Variants in TTC27 observed in about 807,000 individuals in gnomAD.
TTC27 encodes tetratricopeptide repeat domain 27, also known as tetratricopeptide repeat protein 27.
A neutral mutation model predicts 115.9 loss-of-function variants in TTC27; 79 were observed. The ratio of observed to expected loss-of-function variants is 0.68; its 90% CI spans 0.57 to 0.82. The LOEUF is 0.82. Ranked by LOEUF, TTC27 falls within the 40% of genes least tolerant of loss-of-function variation. TTC27 has a pLI of 0.00. For missense variants in TTC27, 1,054 were observed against 993.1 expected (o/e 1.06, Z -0.82); for synonymous variants, 401 against 356.0 (o/e 1.13, Z -1.42).
intron 18 of TTC27, among the ~76,000 whole-genome samples, chr2:32,814,819 T>C (rs1291652025): frequency 6.6e-6 from 1 of 152,190 alleles, no homozygotes; most frequent in Admixed American, 6.5e-5. Context: ...ACCATCTAGG[T>C]TTGTGTAAGT....
At chr2:32,796,971 G>A (rs148131643) in intron 16 of TTC27, among the ~76,000 whole-genome samples, 2 of 151,680 alleles carry the variant, frequency 1.3e-5, no homozygotes, top group African/African-American at 2.4e-5. Context: ...TCAGGACTTC[G>A]AGACCAGCCT....
intron 10 of TTC27, among the ~76,000 whole-genome samples, chr2:32,719,663 T>C (rs897081517): frequency 6.6e-6 from 1 of 152,156 alleles, no homozygotes; most frequent in African/African-American, 2.4e-5. Context: ...AGAAAGAAGC[T>C]AACAGACACA....
At chr2:32,745,756 G>T (rs1668804290) in intron 12 of TTC27, among the ~76,000 whole-genome samples, 1 of 152,116 alleles carries the variant, frequency 6.6e-6, no homozygotes, top group African/African-American at 2.4e-5. Flanking sequence ...AGAGTTTAAA[G>T]ATGTGGAAAC....
At chr2:32,748,101 T>G (rs1306066978) in intron 12 of TTC27, among the ~76,000 whole-genome samples, 1 of 152,182 alleles carries the variant, frequency 6.6e-6, no homozygotes, top group Non-Finnish European at 1.5e-5. Flanking sequence ...TAGGTATAAA[T>G]TTCCATTGAA....
chr2:32,750,180 C>G (rs1451285426), intron 12 of TTC27, among the ~76,000 whole-genome samples: 3 of 152,182 alleles, frequency 2.0e-5, no homozygotes, highest in Non-Finnish European at 4.4e-5. Context: ...GACCATGAAG[C>G]AGGGGCTTGT....
chr2:32,773,199 G>C (rs1979153), intron 13 of TTC27, among the ~76,000 whole-genome samples: 1 of 152,120 alleles, frequency 6.6e-6, no homozygotes, highest in African/African-American at 2.4e-5. Flanking sequence ...AGTCAGCTTT[G>C]AAAGGTTATT....
At chr2:32,723,647 C>T (rs1285209863) in intron 10 of TTC27, among the ~76,000 whole-genome samples, 1 of 151,410 alleles carries the variant, frequency 6.6e-6, no homozygotes, top group Non-Finnish European at 1.5e-5. Context: ...ATTTGGCTGA[C>T]ACTTACTCAT....
intron 13 of TTC27, among the ~76,000 whole-genome samples, chr2:32,770,532 C>G (rs1350930826): frequency 1.3e-5 from 2 of 152,160 alleles, no homozygotes; most frequent in East Asian, 3.9e-4. Flanking sequence ...TTTTTTCATC[C>G]TTTAATGAAG....
intron 10 of TTC27, chr2:32,704,961 C>A (rs1454609712): frequency 4.3e-6 from 2 of 469,246 alleles, no homozygotes; most frequent in South Asian, 1.6e-5. Context: ...TTACTCTACT[C>A]TTTTCCCATT....
intron 12 of TTC27, among the ~76,000 whole-genome samples, chr2:32,746,580 A>AAAAAAAAAAAAAAAAAAAAAAAAAAAC (rs1668838253): frequency 6.6e-6 from 1 of 150,540 alleles, no homozygotes; most frequent in African/African-American, 2.4e-5. Flanking sequence ...AAAAAAAAAA[A>AAAAAAAAAAAAAAAAAAAAAAAAAAAC]AAGAATGCAC....
chr2:32,722,303 T>C (rs1667959441), intron 10 of TTC27, among the ~76,000 whole-genome samples: 1 of 152,242 alleles, frequency 6.6e-6, no homozygotes, highest in African/African-American at 2.4e-5. Flanking sequence ...TGTGTGCATT[T>C]GAAAGTTATT....
At chr2:32,639,466 G>A (rs1339140404) in intron 3 of TTC27, among the ~76,000 whole-genome samples, 2 of 151,916 alleles carry the variant, frequency 1.3e-5, no homozygotes, top group Non-Finnish European at 2.9e-5. Context: ...TGATGCATGA[G>A]ACCTTGTTGA....
At chr2:32,800,824 C>T (rs1316608351) in intron 16 of TTC27, among the ~76,000 whole-genome samples, 1 of 152,110 alleles carries the variant, frequency 6.6e-6, no homozygotes. Flanking sequence ...AATGTAGCTC[C>T]TCTCATCATC....
At chr2:32,659,383 C>CA (rs1665451165) in intron 5 of TTC27, among the ~76,000 whole-genome samples, 2 of 121,544 alleles carry the variant, frequency 1.6e-5, no homozygotes, top group Non-Finnish European at 3.4e-5. Flanking sequence ...TTAAGGATCT[C>CA]ATTGAAGTAC....
chr2:32,758,183 C>T (rs1199863428), intron 12 of TTC27, 109 bp from the exon 13 acceptor site: 7 of 966,906 alleles, frequency 7.2e-6, no homozygotes, highest in Middle Eastern at 2.8e-4. Context: ...AAATCTCAAA[C>T]GTTGAAAATA....
At chr2:32,703,327 C>T (rs1667255619) in intron 10 of TTC27, among the ~76,000 whole-genome samples, 5 of 152,076 alleles carry the variant, frequency 3.3e-5, no homozygotes, top group Admixed American at 3.3e-4. Flanking sequence ...ATTAGCCAGG[C>T]GTGGTGGTGG....
At chr2:32,797,366 C>G (rs1356010053) in intron 16 of TTC27, among the ~76,000 whole-genome samples, 2 of 151,614 alleles carry the variant, frequency 1.3e-5, no homozygotes, top group African/African-American at 4.9e-5. Context: ...CCTGTGGAGA[C>G]AGCGTTTTGC....
At chr2:32,698,531 G>GT (rs1323767615) in intron 9 of TTC27, among the ~76,000 whole-genome samples, 2 of 148,914 alleles carry the variant, frequency 1.3e-5, no homozygotes, top group Non-Finnish European at 3.0e-5. Flanking sequence ...GCAGCCTGGA[G>GT]TGCAGTGGCG....
intron 16 of TTC27, among the ~76,000 whole-genome samples, chr2:32,788,285 C>T (rs190173855): frequency 3.9e-4 from 60 of 152,222 alleles, no homozygotes; most frequent in Non-Finnish European, 4.9e-4. Context: ...ATTTAGACAT[C>T]GCTGCTGGCT....
Sources: gnomAD v4.1 joint callset for allele counts (sites outside exome capture counted in the v4.1 genomes callset) on GRCh38, gnomAD v4.1.1 for gene constraint, MANE v1.5 for transcripts, NCBI Gene and HGNC (gene_info 2026-07-23, HGNC 2026-07-21) for gene names.